The following USP42 variants were observed in gnomAD, a reference collection of about 807,000 sequenced individuals.
USP42 encodes ubiquitin carboxyl-terminal hydrolase 42.
Under a neutral mutation model 113.0 loss-of-function variants are expected in USP42, and 23 were observed. The observed-to-expected ratio is 0.20, with a 90% CI of 0.15 to 0.29. The LOEUF (loss-of-function observed/expected upper bound fraction) is 0.29, where lower values mean the gene tolerates loss of function less well. Among genes scored for constraint, USP42 ranks in the 10% least tolerant of loss-of-function variants. The pLI is 1.00. For synonymous variants in USP42, 933 were observed against 699.0 expected, an observed-to-expected ratio of 1.33 and a Z score of -5.28; for missense variants, 2,174 against 1,779.8, an observed-to-expected ratio of 1.22 and a Z score of -3.99.
chr7:6,086,954 C>G, the USP42 span, among the ~76,000 whole-genome samples: 1 of 150,326 alleles, frequency 6.7e-6, no homozygotes, highest in Non-Finnish European at 1.5e-5. Flanking sequence ...TCTCGAACTC[C>G]TGACTTCGGG....
chr7:6,082,491 A>G, the USP42 span, among the ~76,000 whole-genome samples: 1 of 150,462 alleles, frequency 6.6e-6, no homozygotes, highest in Non-Finnish European at 1.5e-5. Context: ...AGTGGCTCAC[A>G]CTTGTAATCT....
At chr7:6,091,952 C>T in the USP42 span, among the ~76,000 whole-genome samples, 1 of 149,744 alleles carries the variant, frequency 6.7e-6, no homozygotes, top group Non-Finnish European at 1.5e-5. Flanking sequence ...TGGAAAAAAT[C>T]CTACTTAGTC....
chr7:6,085,191 C>T, the USP42 span: 1 of 150,954 alleles, frequency 6.6e-6, no homozygotes, highest in African/African-American at 2.5e-5. Flanking sequence ...ATGATCTTCA[C>T]TTACTGCAAC....
upstream of USP42, among the ~76,000 whole-genome samples, chr7:6,102,508 T>A (rs1322723933): frequency 6.8e-6 from 1 of 146,598 alleles, no homozygotes; most frequent in Non-Finnish European, 1.5e-5. Context: ...ATGCCTGTAA[T>A]CCCAGCACTT....
At chr7:6,088,075 G>A in the USP42 span, among the ~76,000 whole-genome samples, 1 of 150,872 alleles carries the variant, frequency 6.6e-6, no homozygotes, top group African/African-American at 2.5e-5. Flanking sequence ...CAAGGCAGGA[G>A]GATTGCTTGA....
chr7:6,131,046 G>T (rs762114615), intron 3 of USP42, among the ~76,000 whole-genome samples: 2 of 152,112 alleles, frequency 1.3e-5, no homozygotes, highest in Admixed American at 6.6e-5. Flanking sequence ...TGCCTCCTGG[G>T]GTGCACAGGC....
At chr7:6,108,150 G>T (rs1455513987) in intron 1 of USP42, among the ~76,000 whole-genome samples, 2 of 152,168 alleles carry the variant, frequency 1.3e-5, no homozygotes, top group Non-Finnish European at 2.9e-5. Flanking sequence ...CAGCGCCATT[G>T]CATTCCAGCC....
At position 6,153,932 on chromosome 7, in the gene USP42, C is replaced by T; in HGVS notation, c.2378C>T (p.Ala793Val). The stretch of plus-strand genomic sequence containing the variant: ...GCTACCAAAGAAGGCGCCTGGGAGG[C>T]CATGGCCGTCGCCCCCGAGGAGCCT... The part of the protein sequence containing the change: ...TPATKEGAWE[A>V]MAVAPEEPPP... Residue 793 changes from alanine (A) to valine (V), a missense_variant, in exon 15 of 18, where the codon GCC (alanine) becomes GTC (valine). Ala to Val is a moderately conservative substitution (Grantham distance 64). Coordinates refer to ENST00000306177, the MANE Select transcript of USP42 (RefSeq NM_032172.3). 2 of 1,599,284 alleles carry T rather than the reference C, an allele frequency of 1.3e-6. No homozygotes were observed. The highest frequency in any genetic ancestry group is 1.7e-6 in the Non-Finnish European group (2 of 1,175,470).
At chr7:6,127,914 TTTG>T (rs1031137693) in intron 3 of USP42, among the ~76,000 whole-genome samples, 2 of 152,180 alleles carry the variant, frequency 1.3e-5, no homozygotes, top group African/African-American at 4.8e-5. Context: ...TCCTGCTTTT[TTTG>T]TTGTTGTTGG....
chr7:6,111,227 G>T lies in USP42; in HGVS notation c.94G>T (p.Asp32Tyr). The change falls in exon 2 of 18, where the codon GAT becomes TAT. Residue 32 changes from aspartate (D) to tyrosine (Y), a missense_variant. Asp to Tyr is a radical substitution (Grantham distance 160). Coordinates refer to ENST00000306177, the MANE Select transcript of USP42 (RefSeq NM_032172.3). Reference sequence around the variant, plus strand: ...CGAGGCAGTCTCACCTGGAGACATGGATGCAGGTTCTGCCAGCTGGGGTGC... The same window carrying T: ...CGAGGCAGTCTCACCTGGAGACATGTATGCAGGTTCTGCCAGCTGGGGTGC... ...SSEAVSPGDM[D>Y]AGSASWGAVS... The T allele has an allele frequency of 6.2e-7, 1 of 1,610,382 alleles. No homozygotes were observed. The highest frequency in any genetic ancestry group is 8.5e-7 in the Non-Finnish European group (1 of 1,178,182).
Position 6,154,852 on chromosome 7 carries a change from C to T in USP42, c.3298C>T (p.Arg1100Cys), listed in dbSNP as rs1405508137. ...ERPHKDHNRG[R>C]RGCEPARERE... Reference sequence around the variant, plus strand: ...GCCGCACAAGGACCACAACCGGGGCCGTAGGGGCTGCGAGCCGGCCCGGGA... The same window carrying T: ...GCCGCACAAGGACCACAACCGGGGCTGTAGGGGCTGCGAGCCGGCCCGGGA... The change falls in exon 15 of 18, where the codon CGT becomes TGT. Residue 1100 changes from arginine (R) to cysteine (C), a missense_variant. Physicochemically the swap from Arg to Cys is radical, Grantham distance 180. Coordinates refer to ENST00000306177, the MANE Select transcript of USP42 (RefSeq NM_032172.3). 5 of 1,532,936 alleles carry T rather than the reference C, an allele frequency of 3.3e-6. No individual in the cohort carries two copies. The highest frequency in any genetic ancestry group is 2.8e-5 in the African/African-American group (2 of 71,970). 95.0% of individuals were successfully genotyped at this position (1,532,936 alleles called of 1,614,324 possible). A position where few individuals can be genotyped will look rare whatever the true frequency, so the allele number is the denominator to read the frequency against.
At chr7:6,146,353 C>T (rs1445712519) in intron 11 of USP42, 105 bp downstream of exon 11, 1 of 697,924 alleles carries the variant, frequency 1.4e-6, no homozygotes, top group Admixed American at 3.3e-5. Flanking sequence ...AAAAAAAAAA[C>T]CCAGCAGCTT....
At chr7:6,155,277 A>T (rs913224489) in intron 15 of USP42, 82 bp downstream of exon 15, 1 of 1,441,510 alleles carries the variant, frequency 6.9e-7, no homozygotes, top group South Asian at 1.5e-5. Flanking sequence ...CGACTCAGGA[A>T]CAAGTGACCA....
Position 6,150,132 on chromosome 7 carries a change from G to A in USP42, c.1936G>A (p.Ala646Thr), listed in dbSNP as rs1292725438. The change falls in exon 13 of 18, where the codon GCC (alanine) becomes ACC (threonine). Residue 646 changes from alanine to threonine, a missense_variant. Transcript: ENST00000306177. ...SPGQDAEDEE[A>T]TPHELQEPMT... ...CGGCCAAGATGCCGAAGATGAGGAG[G>A]CCACTCCGCACGAGCTTCAAGAACC... 2.5e-6 allele frequency: 4 copies of A among 1,613,108 alleles called. No individual in the cohort carries two copies. Among genetic ancestry groups the A allele is most frequent in the Non-Finnish European group, 3.4e-6 (4 of 1,179,530 alleles).
chr7:6,089,770 A>G, the USP42 span, among the ~76,000 whole-genome samples: 4 of 150,260 alleles, frequency 2.7e-5, 1 homozygote, highest in African/African-American at 1.0e-4. Flanking sequence ...TGACCTCGTG[A>G]TCTGCCCACC....
the USP42 span, chr7:6,084,436 G>A: frequency 6.6e-6 from 1 of 151,346 alleles, no homozygotes; most frequent in Non-Finnish European, 1.5e-5. Context: ...TAGGAGGCTT[G>A]ACTCAACCTG....
intron 6 of USP42, 89 bp downstream of exon 6, chr7:6,140,284 G>A (rs1421707740): frequency 4.1e-6 from 5 of 1,232,438 alleles, no homozygotes; most frequent in African/African-American, 1.5e-5. Context: ...TACTAGGAAG[G>A]AAGGAAAAGT....
intron 15 of USP42, 99 bp downstream of exon 15, chr7:6,155,294 C>G: frequency 7.0e-7 from 1 of 1,432,802 alleles, no homozygotes; most frequent in Non-Finnish European, 9.1e-7. Flanking sequence ...ACCAGCCAGG[C>G]CACAGTTGTA....
chr7:6,125,280 G>T, intron 3 of USP42, among the ~76,000 whole-genome samples: 1 of 151,808 alleles, frequency 6.6e-6, no homozygotes, highest in African/African-American at 2.4e-5. Context: ...CCTGAGGATG[G>T]GAGTTTGAGA....
Sources: allele counts gnomAD v4.1 joint callset (sites outside exome capture counted in the v4.1 genomes callset), GRCh38; gene constraint gnomAD v4.1.1; transcripts MANE v1.5; gene names NCBI Gene and HGNC (gene_info 2026-07-23, HGNC 2026-07-21).